Variants in GRIP1 observed in about 807,000 individuals in gnomAD.
GRIP1 encodes glutamate receptor-interacting protein 1.
In GRIP1, 45 loss-of-function variants were observed where a neutral mutation model predicts 129.9. That is an observed-to-expected ratio of 0.35 (90% CI 0.27 to 0.44). GRIP1 has a LOEUF of 0.44. Ranked by LOEUF, GRIP1 falls within the 20% of genes least tolerant of loss-of-function variation. The pLI is 1.00. For synonymous variants in GRIP1, 530 were observed against 520.8 expected (o/e 1.02, Z -0.24); for missense variants, 1,196 against 1,396.8 (o/e 0.86, Z 2.29).
intron 1 of GRIP1, among the ~76,000 whole-genome samples, chr12:66,711,609 T>C (rs1032705154): frequency 7.2e-5 from 11 of 151,866 alleles, no homozygotes; most frequent in African/African-American, 2.7e-4. Flanking sequence ...TTTTTCTTGG[T>C]AGAATAATTG....
chr12:66,782,176 C>T (rs993994917), intron 1 of GRIP1, among the ~76,000 whole-genome samples: 15 of 152,238 alleles, frequency 9.9e-5, no homozygotes, highest in Admixed American at 9.8e-4. Context: ...CACTTAGAAT[C>T]TGTGCACTTT....
intron 2 of GRIP1, among the ~76,000 whole-genome samples, chr12:66,555,430 C>A (rs1424018335): frequency 2.0e-5 from 3 of 152,180 alleles, no homozygotes; most frequent in African/African-American, 7.2e-5. Context: ...ACCTGCAGAG[C>A]TCTCCCAAGA....
At chr12:66,713,069 A>T (rs2035762017) in intron 1 of GRIP1, among the ~76,000 whole-genome samples, 1 of 152,028 alleles carries the variant, frequency 6.6e-6, no homozygotes, top group Non-Finnish European at 1.5e-5. Flanking sequence ...CTTTTGAGCC[A>T]GAAAAGGTAG....
chr12:66,590,907 C>T (rs1483199710), intron 2 of GRIP1, among the ~76,000 whole-genome samples: 1 of 152,184 alleles, frequency 6.6e-6, no homozygotes, highest in Non-Finnish European at 1.5e-5. Flanking sequence ...GAACTTGTTG[C>T]ACTTTTTTTT....
intron 14 of GRIP1, among the ~76,000 whole-genome samples, chr12:66,422,120 A>G (rs1168413633): frequency 2.0e-5 from 3 of 152,174 alleles, no homozygotes; most frequent in African/African-American, 7.2e-5. Context: ...TCATAGAGCC[A>G]TATCATATCC....
At chr12:66,568,122 T>A in intron 2 of GRIP1, 1 of 283,524 alleles carries the variant, frequency 3.5e-6, no homozygotes, top group South Asian at 4.7e-5. Context: ...AATTTTACAT[T>A]GTTTTTGGAA....
At chr12:66,523,635 C>G (rs545638243) in intron 5 of GRIP1, among the ~76,000 whole-genome samples, 20 of 151,676 alleles carry the variant, frequency 1.3e-4, no homozygotes, top group Middle Eastern at 3.4e-3. Flanking sequence ...CGAGCAAAAT[C>G]ACCAGCTAAC....
chr12:66,378,444 C>A (rs1443239071), intron 20 of GRIP1, among the ~76,000 whole-genome samples: 1 of 140,234 alleles, frequency 7.1e-6, no homozygotes, highest in African/African-American at 2.7e-5. Flanking sequence ...AGAGTGAGAC[C>A]TTGTCTCAAA....
chr12:66,794,695 T>G (rs948781767), intron 1 of GRIP1, among the ~76,000 whole-genome samples: 2 of 152,168 alleles, frequency 1.3e-5, no homozygotes, highest in Non-Finnish European at 2.9e-5. Flanking sequence ...GATATTAAAT[T>G]TATGTAAAAT....
chr12:66,646,540 C>T (rs987721270), intron 1 of GRIP1, among the ~76,000 whole-genome samples: 2 of 152,174 alleles, frequency 1.3e-5, no homozygotes, highest in African/African-American at 2.4e-5. Context: ...AGGAGAATTG[C>T]TTAAACCCGG....
chr12:67,065,956 G>C (rs2043617382), intron 1 of GRIP1, among the ~76,000 whole-genome samples: 1 of 152,180 alleles, frequency 6.6e-6, no homozygotes, highest in South Asian at 2.1e-4. Context: ...TGTATTAAGT[G>C]GCTTCTAAAT....
At chr12:66,463,681 T>C (rs889437134) in intron 8 of GRIP1, among the ~76,000 whole-genome samples, 9 of 152,164 alleles carry the variant, frequency 5.9e-5, no homozygotes, top group Non-Finnish European at 1.3e-4. Context: ...GTAGAAATTA[T>C]GCAGGAGTCA....
rs1480013364 is a variant in GRIP1, at chr12:66,377,016, C to A, written c.2778+1G>T. ...AAAATATAAACATAAAGGGTAGCTA[C>A]CAAGAGAGTCATGTTTCTCAAAGAC... On this transcript the variant is annotated splice_donor_variant, in intron 22 of 24. Transcript: ENST00000359742. LOFTEE classifies it high-confidence loss of function. 2 of 1,607,790 alleles carry A rather than the reference C, an allele frequency of 1.2e-6. No individual in the cohort carries two copies. Among genetic ancestry groups the A allele is most frequent in the Non-Finnish European group, 1.7e-6 (2 of 1,174,354 alleles).
chr12:66,425,316 G>A lies in GRIP1; in HGVS notation c.1769-4527C>T, dbSNP rs192097798. ...TAGAATGGCGATCATTAAAAAGTCA[G>A]GAAACAACAGGTGCTGGAGAGGATG... is the stretch of plus-strand genomic sequence containing the variant. On this transcript the variant is annotated intron_variant, in intron 14 of 24. Coordinates refer to ENST00000359742, the MANE Select transcript of GRIP1 (RefSeq NM_001366722.1). 3.8e-3 allele frequency among the ~76,000 whole-genome samples: 584 copies of A among 152,198 alleles called. 4 individuals carry two copies. The highest frequency in any genetic ancestry group is 0.013 in the African/African-American group (552 of 41,540).
chr12:66,383,772 G>T (rs139519856), intron 19 of GRIP1, among the ~76,000 whole-genome samples: 20 of 152,164 alleles, frequency 1.3e-4, no homozygotes, highest in African/African-American at 4.8e-4. Flanking sequence ...TACCAGTTTC[G>T]GGGTGAGCAA....
intron 1 of GRIP1, among the ~76,000 whole-genome samples, chr12:66,883,475 T>C (rs976393841): frequency 1.3e-5 from 2 of 152,184 alleles, no homozygotes; most frequent in African/African-American, 4.8e-5. Context: ...TGACCATGTT[T>C]ACATTGTATT....
intron 7 of GRIP1, among the ~76,000 whole-genome samples, chr12:66,510,258 G>C (rs535543307): frequency 6.6e-6 from 1 of 152,190 alleles, no homozygotes; most frequent in African/African-American, 2.4e-5. Flanking sequence ...TTCGTTCACT[G>C]TCTCCATCAG....
intron 1 of GRIP1, among the ~76,000 whole-genome samples, chr12:66,663,648 T>G (rs2136203663): frequency 6.6e-6 from 1 of 152,064 alleles, no homozygotes; most frequent in East Asian, 1.9e-4. Flanking sequence ...CAGAAGTGAG[T>G]GGGGAGACTC....
intron 1 of GRIP1, among the ~76,000 whole-genome samples, chr12:66,993,295 T>A (rs2042421463): frequency 1.3e-5 from 2 of 151,430 alleles, no homozygotes; most frequent in Non-Finnish European, 2.9e-5. Flanking sequence ...TTTAAGACAC[T>A]GGAAAAAGAA....
Sources: allele counts gnomAD v4.1 joint callset (sites outside exome capture counted in the v4.1 genomes callset), GRCh38; gene constraint gnomAD v4.1.1; transcripts MANE v1.5; gene names NCBI Gene and HGNC (gene_info 2026-07-23, HGNC 2026-07-21).